The following DNAH9 variants were observed in gnomAD, a reference collection of about 807,000 sequenced individuals.
The protein encoded by DNAH9 is dynein axonemal heavy chain 9, also known as DNAH9 variant protein.
A neutral mutation model predicts 471.6 loss-of-function variants in DNAH9; 345 were observed. The ratio of observed to expected loss-of-function variants is 0.73; its 90% CI spans 0.67 to 0.80. The LOEUF (loss-of-function observed/expected upper bound fraction) is 0.80, where lower values mean the gene tolerates loss of function less well. DNAH9 is among the 30% of genes least tolerant of loss of function. DNAH9 has a pLI of 0.00. For missense variants in DNAH9, 5,407 were observed against 5,609.2 expected, an observed-to-expected ratio of 0.96 and a Z score of 1.15; for synonymous variants, 2,093 against 2,123.6, an observed-to-expected ratio of 0.99 and a Z score of 0.40.
At chr17:11,945,916 A>G (rs1975101436) in intron 67 of DNAH9, among the ~76,000 whole-genome samples, 1 of 151,276 alleles carries the variant, frequency 6.6e-6, no homozygotes, top group Non-Finnish European at 1.5e-5. Flanking sequence ...AAAAAAAATT[A>G]GCCGGGCGTA....
At chr17:11,965,926 G>GA (rs34425777) in intron 68 of DNAH9, among the ~76,000 whole-genome samples, 27,758 of 151,820 alleles carry the variant, frequency 0.18, 2,613 homozygotes, top group Admixed American at 0.21. Context: ...CCCGTTAGAA[G>GA]AAAAAAATGA....
At chr17:11,599,024 A>T in intron 1 of DNAH9, 109 bp downstream of exon 1, 2 of 913,858 alleles carry the variant, frequency 2.2e-6, no homozygotes, top group African/African-American at 1.8e-5. Context: ...GCTGCAGGGG[A>T]GGTCCAAGAG....
chr17:11,912,399 A>G (rs1224524188), intron 61 of DNAH9, among the ~76,000 whole-genome samples: 2 of 152,156 alleles, frequency 1.3e-5, no homozygotes, highest in African/African-American at 4.8e-5. Context: ...ATCTAAGGGG[A>G]AAAAAATCAG....
intron 1 of DNAH9, among the ~76,000 whole-genome samples, chr17:11,600,271 G>A (rs1170787839): frequency 6.6e-6 from 1 of 152,162 alleles, no homozygotes; most frequent in Non-Finnish European, 1.5e-5. Context: ...GAGAAAGACA[G>A]GCCTGTGATC....
intron 60 of DNAH9, among the ~76,000 whole-genome samples, chr17:11,904,395 C>T (rs927080051): frequency 2.0e-5 from 3 of 151,964 alleles, no homozygotes; most frequent in South Asian, 2.1e-4. Context: ...CTTTGTCAGG[C>T]CGAGGCAGGA....
chr17:11,946,199 CAAAAAAA>C (rs34028612), intron 67 of DNAH9, among the ~76,000 whole-genome samples: 1 of 47,358 alleles, frequency 2.1e-5, no homozygotes, highest in African/African-American at 8.2e-5. Context: ...GAGTCCATCT[CAAAAAAA>C]AAAAAAAAAA....
chr17:11,732,795 G>A (rs775881731), intron 28 of DNAH9, among the ~76,000 whole-genome samples: 1 of 152,186 alleles, frequency 6.6e-6, no homozygotes, highest in Non-Finnish European at 1.5e-5. Context: ...CCAATGCCCT[G>A]TTCCCCTCCA....
rs192094618 is a variant in DNAH9 at position 11,638,650 on chromosome 17, G to T, written c.1787-1620G>T. ...TCTGCCTGCCTCAGCCTCCCAAAGT[G>T]CTGGGATTACAGGCATGAGCCACCA... On this transcript the variant is annotated intron_variant, in intron 9 of 68. Transcript: ENST00000262442. 4.7e-4 allele frequency among the ~76,000 whole-genome samples: 72 copies of T among 152,220 alleles called. 1 individual carries two copies. In the East Asian group the frequency reaches 0.011, roughly 22 times the overall value.
intron 48 of DNAH9, among the ~76,000 whole-genome samples, chr17:11,831,506 T>C (rs550774561): frequency 5.5e-4 from 83 of 152,040 alleles, no homozygotes; most frequent in African/African-American, 1.9e-3. Context: ...ACCTCCAACA[T>C]AGGGGATCAA....
chr17:11,947,265 G>A (rs527683157), intron 67 of DNAH9, among the ~76,000 whole-genome samples: 14 of 152,324 alleles, frequency 9.2e-5, no homozygotes, highest in Admixed American at 5.2e-4. Context: ...AAAGCCTGAT[G>A]TACCAAATGC....
chr17:11,616,349 A>G (rs1054991504), intron 4 of DNAH9, among the ~76,000 whole-genome samples: 1 of 152,196 alleles, frequency 6.6e-6, no homozygotes, highest in East Asian at 1.9e-4. Context: ...GGATGAATGC[A>G]GAGCTTCATC....
intron 61 of DNAH9, among the ~76,000 whole-genome samples, chr17:11,911,104 C>T (rs371560908): frequency 5.9e-5 from 9 of 152,266 alleles, no homozygotes; most frequent in Admixed American, 2.0e-4. Context: ...ATTTATAAAA[C>T]GATTGCCAAC....
At chr17:11,770,620 C>G (rs556690996) in intron 38 of DNAH9, among the ~76,000 whole-genome samples, 1 of 152,290 alleles carries the variant, frequency 6.6e-6, no homozygotes, top group Non-Finnish European at 1.5e-5. Flanking sequence ...CAGCAACTGA[C>G]TGTAGTTCAG....
At chr17:11,888,794 A>G (rs559372399) in intron 57 of DNAH9, among the ~76,000 whole-genome samples, 2 of 152,324 alleles carry the variant, frequency 1.3e-5, no homozygotes, top group South Asian at 2.1e-4. Context: ...TGTAATTTCC[A>G]TGGTCTTGGC....
At chr17:11,700,284 T>C (rs1158495316) in intron 23 of DNAH9, among the ~76,000 whole-genome samples, 6 of 152,170 alleles carry the variant, frequency 3.9e-5, no homozygotes, top group African/African-American at 9.7e-5. Flanking sequence ...AAATGTCCTT[T>C]TGTGGAACCA....
intron 57 of DNAH9, among the ~76,000 whole-genome samples, chr17:11,891,285 T>C (rs906057582): frequency 9.2e-5 from 14 of 152,222 alleles, no homozygotes; most frequent in Admixed American, 2.0e-4. Context: ...ATGAGCAAAC[T>C]AACAAAAGAT....
At chr17:11,939,921 G>A (rs1462879191) in intron 66 of DNAH9, among the ~76,000 whole-genome samples, 2 of 151,956 alleles carry the variant, frequency 1.3e-5, no homozygotes, top group Non-Finnish European at 2.9e-5. Flanking sequence ...GTAGATGGGT[G>A]ATGGATGGAT....
intron 31 of DNAH9, 31 bp from the exon 32 acceptor site, chr17:11,747,525 G>T (rs780910786): frequency 6.3e-7 from 1 of 1,590,430 alleles, no homozygotes; most frequent in African/African-American, 1.3e-5. Flanking sequence ...TCACAGGCTG[G>T]TCCCTCTGGC....
Position 11,700,055 on chromosome 17 carries a change from C to T in DNAH9, c.5025+172C>T, listed in dbSNP as rs570347422. 3.3e-5 allele frequency among the ~76,000 whole-genome samples: 5 copies of T among 152,338 alleles called. No homozygotes were observed. In the East Asian group the frequency reaches 7.7e-4, roughly 24 times the overall value. On this transcript the variant is annotated intron_variant, in intron 23 of 68. Transcript: ENST00000262442. ...GAACTGATGTTGGAGCAGCAGCTGG[C>T]GCCCTGCTTTCCTCTTTCAGGGAAG... is the stretch of plus-strand genomic sequence containing the variant.
Sources: gnomAD v4.1 joint callset for allele counts (sites outside exome capture counted in the v4.1 genomes callset) on GRCh38, gnomAD v4.1.1 for gene constraint, MANE v1.5 for transcripts, NCBI Gene and HGNC (gene_info 2026-07-23, HGNC 2026-07-21) for gene names.